ASTN2: variants seen among roughly 807,000 people sequenced by gnomAD.
ASTN2 encodes astrotactin 2.
ASTN2 carries 54 observed loss-of-function variants against 139.8 expected under a neutral mutation model. The ratio of observed to expected loss-of-function variants is 0.39; its 90% CI spans 0.31 to 0.48. ASTN2 has a LOEUF of 0.48. Among genes scored for constraint, ASTN2 ranks in the 20% least tolerant of loss-of-function variants. The pLI, the probability that ASTN2 is intolerant of heterozygous loss-of-function variation, is 0.95. For synonymous variants in ASTN2, 756 were observed against 719.5 expected, an observed-to-expected ratio of 1.05 and a Z score of -0.81; for missense variants, 1,565 against 1,725.1, an observed-to-expected ratio of 0.91 and a Z score of 1.64.
chr9:116,622,426 A>T (rs1313958235), intron 17 of ASTN2, among the ~76,000 whole-genome samples: 1 of 152,258 alleles, frequency 6.6e-6, no homozygotes, highest in African/African-American at 2.4e-5. Flanking sequence ...GCTAATGTTC[A>T]TGAAAAACAC....
At chr9:117,275,726 TGGCTA>T (rs1834171352) in intron 2 of ASTN2, among the ~76,000 whole-genome samples, 1 of 152,024 alleles carries the variant, frequency 6.6e-6, no homozygotes, top group East Asian at 1.9e-4. Flanking sequence ...CCACCATGCC[TGGCTA>T]ATTTTTGTAT....
At chr9:116,846,806 G>T (rs904701737) in intron 11 of ASTN2, among the ~76,000 whole-genome samples, 9 of 152,026 alleles carry the variant, frequency 5.9e-5, no homozygotes, top group East Asian at 5.8e-4. Context: ...AGGGAGGTAG[G>T]TTCTCGCAGT....
At chr9:117,184,891 G>C (rs988344693) in intron 3 of ASTN2, among the ~76,000 whole-genome samples, 3 of 152,140 alleles carry the variant, frequency 2.0e-5, no homozygotes, top group Non-Finnish European at 2.9e-5. Context: ...TTTGTGTCAG[G>C]TGGCCTCTAC....
chr9:116,698,764 C>G lies in ASTN2; in HGVS notation c.2806+27007G>C, dbSNP rs748575389. ...GTTGCCAGCCCTAGGGCCTCACCTG[C>G]TAAACAGCGGGGTCCTGAGGCAGCC... On this transcript the variant is annotated intron_variant, in intron 16 of 22. Transcript: ENST00000313400. The surrounding 1 kb of genome is among the most constrained non-coding windows in gnomAD (Gnocchi z 4.4). 6.2e-7 allele frequency: 1 copy of G among 1,614,172 alleles called. No individual in the cohort carries two copies. The highest frequency in any genetic ancestry group is 8.5e-7 in the Non-Finnish European group (1 of 1,180,024).
chr9:117,087,187 GT>G (rs1380476885), intron 5 of ASTN2, among the ~76,000 whole-genome samples: 3 of 151,864 alleles, frequency 2.0e-5, no homozygotes, highest in South Asian at 2.1e-4. Flanking sequence ...AATGTTTATT[GT>G]TTTTTTCTTT....
intron 3 of ASTN2, among the ~76,000 whole-genome samples, chr9:117,183,393 A>G (rs1156844211): frequency 6.6e-6 from 1 of 152,246 alleles, no homozygotes; most frequent in African/African-American, 2.4e-5. Flanking sequence ...AATAACTAAC[A>G]TTAATTGACC....
At chr9:117,002,057 T>C (rs1837207720) in intron 7 of ASTN2, among the ~76,000 whole-genome samples, 1 of 152,204 alleles carries the variant, frequency 6.6e-6, no homozygotes. Context: ...GGATCTTATG[T>C]TCCTATTTCA....
intron 5 of ASTN2, among the ~76,000 whole-genome samples, chr9:117,060,391 AAAGAAAGAAAGAAAGAAAG>A (rs1839223651): frequency 6.4e-5 from 5 of 78,686 alleles, no homozygotes; most frequent in African/African-American, 3.3e-4. Flanking sequence ...AGAAAGAAAG[AAAGAAAGAAAGAAAGAAAG>A]AAGGAAAGGA....
chr9:116,508,218 C>T lies in ASTN2; in HGVS notation c.3356-20718G>A, dbSNP rs796194508. On this transcript the variant is annotated intron_variant, in intron 19 of 22. Coordinates refer to ENST00000313400, the MANE Select transcript of ASTN2 (RefSeq NM_001365068.1). ...AACTTTCTAAGCCTCAGTTTTCTTA[C>T]GTACACAACAGGGATAGAGATAGTA... Among the ~76,000 whole-genome samples the T allele has an allele frequency of 3.3e-5, 5 of 152,304 alleles. No homozygotes were observed. The East Asian group carries it at 5.8e-4, about 18-fold the overall frequency.
chr9:116,625,095 CAA>C (rs1856376454), intron 17 of ASTN2, among the ~76,000 whole-genome samples: 1 of 152,074 alleles, frequency 6.6e-6, no homozygotes, highest in African/African-American at 2.4e-5. Context: ...TGCTTCTAGC[CAA>C]AAAGTGGTGG....
intron 10 of ASTN2, among the ~76,000 whole-genome samples, chr9:116,891,443 G>A (rs1050387655): frequency 3.9e-5 from 6 of 152,218 alleles, no homozygotes; most frequent in African/African-American, 1.4e-4. Flanking sequence ...TATGTGTCAA[G>A]CAGTGAGCTA....
At chr9:116,872,708 A>C (rs1158103535) in intron 10 of ASTN2, among the ~76,000 whole-genome samples, 1 of 152,210 alleles carries the variant, frequency 6.6e-6, no homozygotes, top group African/African-American at 2.4e-5. Context: ...AGCCTGAGAC[A>C]TAAAGGATGG....
At chr9:116,553,093 C>CA (rs1466769373) in intron 19 of ASTN2, among the ~76,000 whole-genome samples, 1 of 152,070 alleles carries the variant, frequency 6.6e-6, no homozygotes, top group Non-Finnish European at 1.5e-5. Context: ...TAGGCTTAGG[C>CA]AAAATCTCCT....
At chr9:117,052,642 G>C (rs1838947436) in intron 5 of ASTN2, among the ~76,000 whole-genome samples, 1 of 152,160 alleles carries the variant, frequency 6.6e-6, no homozygotes. Flanking sequence ...ATGTAGACTG[G>C]AGGATAGTGA....
chr9:116,690,174 G>A (rs1860495178), intron 16 of ASTN2, among the ~76,000 whole-genome samples: 1 of 152,192 alleles, frequency 6.6e-6, no homozygotes, highest in Non-Finnish European at 1.5e-5. Flanking sequence ...CTTGTCAGTA[G>A]CTACGGCACT....
intron 20 of ASTN2, among the ~76,000 whole-genome samples, chr9:116,474,940 C>T (rs752799917): frequency 6.6e-6 from 1 of 152,178 alleles, no homozygotes; most frequent in Non-Finnish European, 1.5e-5. Flanking sequence ...GTGATGGTCA[C>T]AGCCTACTGG....
intron 20 of ASTN2, among the ~76,000 whole-genome samples, chr9:116,457,768 C>T (rs749258851): frequency 9.2e-5 from 14 of 151,988 alleles, no homozygotes; most frequent in East Asian, 7.7e-4. Flanking sequence ...TAAATTAATA[C>T]GACCACTATG....
chr9:116,846,490 C>T (rs543769429), intron 11 of ASTN2, among the ~76,000 whole-genome samples: 1 of 152,272 alleles, frequency 6.6e-6, no homozygotes, highest in African/African-American at 2.4e-5. Flanking sequence ...GAGAGATAAG[C>T]CATGTTTCAG....
chr9:116,812,429 A>C (rs1257871780), intron 12 of ASTN2, among the ~76,000 whole-genome samples: 1 of 152,228 alleles, frequency 6.6e-6, no homozygotes, highest in Non-Finnish European at 1.5e-5. Flanking sequence ...AGAGGGGAGC[A>C]GAGTAACGGA....
Sources: gnomAD v4.1 joint callset for allele counts (sites outside exome capture counted in the v4.1 genomes callset) on GRCh38, gnomAD v4.1.1 for gene constraint, Gnocchi (gnomAD v3.1) non-coding constraint, MANE v1.5 for transcripts, NCBI Gene and HGNC (gene_info 2026-07-23, HGNC 2026-07-21) for gene names.